Variants in B4GALNT4 observed in about 807,000 individuals in gnomAD.
B4GALNT4 encodes beta-1,4-N-acetyl-galactosaminyltransferase 4.
Under a neutral mutation model 110.0 loss-of-function variants are expected in B4GALNT4, and 77 were observed. The observed-to-expected ratio is 0.70, with a 90% CI of 0.58 to 0.85. The LOEUF (loss-of-function observed/expected upper bound fraction) is 0.85, where lower values mean the gene tolerates loss of function less well. Ranked by LOEUF, B4GALNT4 falls within the 40% of genes least tolerant of loss-of-function variation. B4GALNT4 has a pLI of 0.00. For synonymous variants in B4GALNT4, 785 were observed against 655.5 expected (o/e 1.20, Z -3.02); for missense variants, 1,575 against 1,506.0 (o/e 1.05, Z -0.76).
rs763780836 is a variant in B4GALNT4 at position 372,825 on chromosome 11, CA to C, written c.349-26del. On this transcript the variant is annotated intron_variant, in intron 3 of 19. Transcript: ENST00000329962. ...TGGGGCGGGGGGGCGGCGGGCCGTG[CA>C]GAAGGTAAGGCCCCCCCATCCCCAG... The C allele has an allele frequency of 2.5e-6, 4 of 1,580,680 alleles. No homozygotes were observed. In the East Asian group the frequency reaches 6.9e-5, roughly 27 times the overall value.
intron 6 of B4GALNT4, 30 bp from the exon 7 acceptor site, chr11:373,419 C>CTCGCCA: frequency 2.8e-6 from 3 of 1,080,026 alleles, no homozygotes; most frequent in East Asian, 5.3e-5. Context: ...CCCCCCCCCC[C>CTCGCCA]ACCACCACCC....
chr11:373,405 T>TGGG, intron 6 of B4GALNT4, 44 bp from the exon 7 acceptor site: 2 of 1,139,830 alleles, frequency 1.8e-6, no homozygotes, highest in Non-Finnish European at 2.4e-6. Flanking sequence ...AGGGAGAGAG[T>TGGG]GAACCCCCCC....
In B4GALNT4 at chr11:377,253, C is replaced by T. The variant is rs1846777239; in HGVS notation, c.2130C>T (p.Asn710=). 1 of 1,597,120 alleles carries T rather than the reference C, an allele frequency of 6.3e-7. No individual in the cohort carries two copies. Among genetic ancestry groups the T allele is most frequent in the Non-Finnish European group, 8.5e-7 (1 of 1,172,934 alleles). The change falls in exon 14 of 20, where the codon AAC becomes AAT. Residue 710 remains asparagine, a synonymous_variant. Transcript: ENST00000329962. ...ACCTGCGATGCAACGTTTCGGGGAA[C>T]CTGCAGCTGCCGGAGGCGGAGGCCG... ...WNDLRCNVSG[N]LQLPEAEAVD...
chr11:373,710 G>C (rs781331441), intron 7 of B4GALNT4, 40 bp from the exon 8 acceptor site: 1 of 1,602,128 alleles, frequency 6.2e-7, no homozygotes, highest in South Asian at 1.1e-5. Flanking sequence ...CTATTTGAGC[G>C]TCCTGTGCAT....
chr11:379,535 C>T lies in B4GALNT4; in HGVS notation c.2322C>T (p.Ser774=). Residue 774 remains serine, a synonymous_variant, in exon 15 of 20, where the codon TCC becomes TCT. Coordinates refer to ENST00000329962, the MANE Select transcript of B4GALNT4 (RefSeq NM_178537.5). Reference sequence around the variant, plus strand: ...GCGGGGGCGGCCGCCTGCGACTGTCCGAGTACGTCTTCCTGCGGCTGCCGG... The same window carrying T: ...GCGGGGGCGGCCGCCTGCGACTGTCTGAGTACGTCTTCCTGCGGCTGCCGG... ...QERGGGRLRL[S]EYVFLRLPGA... 6.3e-7 allele frequency: 1 copy of T among 1,587,494 alleles called. No homozygotes were observed. The highest frequency in any genetic ancestry group is 8.5e-7 in the Non-Finnish European group (1 of 1,170,326).
At chr11:372,072 G>A (rs1163950370) in intron 1 of B4GALNT4, 37 bp from the exon 2 acceptor site, 2 of 1,516,038 alleles carry the variant, frequency 1.3e-6, no homozygotes, top group Admixed American at 3.9e-5. Flanking sequence ...CTTGGAGAGA[G>A]CCTGGGCCCG....
In B4GALNT4 at chr11:376,466, A is replaced by T; in HGVS notation, c.1343A>T (p.Glu448Val). The part of the protein sequence containing the change: ...EDEGELLDSL[E>V]PTEAAPPRSG... The stretch of plus-strand genomic sequence containing the variant: ...GAGGGGGAGCTGCTCGACAGCCTGG[A>T]GCCCACCGAGGCGGCCCCGCCCAGG... Residue 448 changes from glutamate (E) to valine (V), a missense_variant, in exon 14 of 20, where the codon GAG becomes GTG. Transcript: ENST00000329962. 1 of 1,593,932 alleles carries T rather than the reference A, an allele frequency of 6.3e-7. No homozygotes were observed. The highest frequency in any genetic ancestry group is 8.5e-7 in the Non-Finnish European group (1 of 1,177,770).
At chr11:375,438 C>T (rs376769925) in intron 8 of B4GALNT4, 23 bp from the exon 9 acceptor site, 27 of 1,610,692 alleles carry the variant, frequency 1.7e-5, no homozygotes, top group Non-Finnish European at 2.1e-5. Flanking sequence ...CTGTCCCTGA[C>T]CCCCACCCTC....
chr11:377,153 A>C lies in B4GALNT4; in HGVS notation c.2030A>C (p.Glu677Ala), dbSNP rs1272609149. 6.5e-6 allele frequency: 10 copies of C among 1,547,272 alleles called. No individual in the cohort carries two copies. The highest frequency in any genetic ancestry group is 1.2e-5 in the South Asian group (1 of 83,564). The change falls in exon 14 of 20, where the codon GAG becomes GCG. Residue 677 changes from glutamate to alanine, a missense_variant. By Grantham distance (107) the Glu-to-Ala change is moderately radical. Coordinates refer to ENST00000329962, the MANE Select transcript of B4GALNT4 (RefSeq NM_178537.5). Reference sequence around the variant, plus strand: ...GGCCCGGCGCTCGGACGCTGGCGTGAGGACGCCATCGACTGGCAGCGCACG... The same window carrying C: ...GGCCCGGCGCTCGGACGCTGGCGTGCGGACGCCATCGACTGGCAGCGCACG... Reference protein sequence around the residue: ...AAGPALGRWREDAIDWQRTFS... With the variant: ...AAGPALGRWRADAIDWQRTFS...
At position 369,702 on chromosome 11, in the gene B4GALNT4, T is replaced by C. The variant is rs1252298664; in HGVS notation, c.-102T>C. On this transcript the variant is annotated 5_prime_UTR_variant, in exon 1 of 20. An upstream open reading frame in the 5' UTR loses its in-frame stop. Transcript: ENST00000329962. ...AAGGACCATGCGGGGCCGCGGGCGCTGAGCGCGGCGGGGCGGGCCGGGGAT... is the reference window on the plus strand; with the variant it reads ...AAGGACCATGCGGGGCCGCGGGCGCCGAGCGCGGCGGGGCGGGCCGGGGAT... The C allele has an allele frequency of 5.2e-6, 3 of 573,838 alleles. No homozygotes were observed. Among genetic ancestry groups the C allele is most frequent in the Non-Finnish European group, 6.5e-6 (3 of 460,532 alleles). The allele number at this position is 573,838 out of a possible 1,614,324, so 35.5% of individuals were successfully genotyped here.
chr11:372,980 C>T (rs753377155), intron 4 of B4GALNT4, 33 bp downstream of exon 4: 3 of 1,611,460 alleles, frequency 1.9e-6, no homozygotes, highest in Non-Finnish European at 2.5e-6. Flanking sequence ...GCCGGGTGGG[C>T]AGGGCACGCA....
Position 373,750 on chromosome 11 carries a change from G to T in B4GALNT4, c.705G>T (p.Arg235=), listed in dbSNP as rs765213504. Reference sequence around the variant, plus strand: ...CGACCCTTGCTCCTCGTGTCCCCAGGCTCATGGCCTCCCGGAGGTACTACT... The same window carrying T: ...CGACCCTTGCTCCTCGTGTCCCCAGTCTCATGGCCTCCCGGAGGTACTACT... The part of the protein sequence containing the change: ...KFSSQVSKPR[R]LMASRRYYFE... The change falls in exon 8 of 20, where the codon CGG becomes CGT. Residue 235 remains arginine (R), a splice_region_variant and synonymous_variant. Transcript: ENST00000329962. 18 of 1,612,138 alleles carry T rather than the reference G, an allele frequency of 1.1e-5. No individual in the cohort carries two copies. The highest frequency in any genetic ancestry group is 1.7e-5 in the Admixed American group (1 of 59,976).
At chr11:370,240 CTG>C (rs926142790) in intron 1 of B4GALNT4, among the ~76,000 whole-genome samples, 2 of 152,058 alleles carry the variant, frequency 1.3e-5, no homozygotes, top group African/African-American at 4.8e-5. Context: ...GTCCCTGACT[CTG>C]GGATCTGGCT....
chr11:376,013 C>A lies in B4GALNT4; in HGVS notation c.1095+57C>A, dbSNP rs932537262. 6 of 1,604,214 alleles carry A rather than the reference C, an allele frequency of 3.7e-6. No homozygotes were observed. In the Admixed American group the frequency reaches 6.7e-5, roughly 18 times the overall value. ...CGGGACTCCGCGGAGCCTTCTCCAG[C>A]CCCTTGGGAGGCCGCCCCGGGAGGT... On this transcript the variant is annotated intron_variant, in intron 11 of 19. Coordinates refer to ENST00000329962, the MANE Select transcript of B4GALNT4 (RefSeq NM_178537.5).
chr11:373,120 C>A lies in B4GALNT4; in HGVS notation c.535+4C>A. 6.2e-7 allele frequency: 1 copy of A among 1,612,506 alleles called. No individual in the cohort carries two copies. Among genetic ancestry groups the A allele is most frequent in the Non-Finnish European group, 8.5e-7 (1 of 1,179,868 alleles). On this transcript the variant is annotated splice_donor_region_variant and intron_variant, in intron 5 of 19. Transcript: ENST00000329962. ...TTCATCCACCCGGCGAGGGACGGTA[C>A]GGGGGTGAGGGTGCCCCGGGGGAGG...
In B4GALNT4 at chr11:373,416, C is replaced by G. The variant is rs754289984; in HGVS notation, c.637-33C>G. On this transcript the variant is annotated intron_variant, in intron 6 of 19. Transcript: ENST00000329962. ...CCCCAGGGAGAGAGTGAACCCCCCC[C>G]CCCACCACCACCCCTGCTCTATCAC... The G allele has an allele frequency of 9.3e-4, 1,030 of 1,102,342 alleles. 55 individuals carry two copies. In the South Asian group the frequency reaches 0.01, roughly 11 times the overall value. 68.3% of individuals were successfully genotyped at this position (1,102,342 alleles called of 1,614,324 possible).
At chr11:373,966 G>GCT in intron 8 of B4GALNT4, 138 bp downstream of exon 8, 5 of 819,376 alleles carry the variant, frequency 6.1e-6, no homozygotes, top group Non-Finnish European at 9.7e-6. Context: ...AGGAGGGTCT[G>GCT]CTCTGCCCTC....
In B4GALNT4 at chr11:376,132, A is replaced by G. The variant is rs770392290; in HGVS notation, c.1154A>G (p.Asp385Gly). 9 of 1,608,858 alleles carry G rather than the reference A, an allele frequency of 5.6e-6. No individual in the cohort carries two copies. The East Asian group carries it at 2.0e-4, about 36-fold the overall frequency. Residue 385 changes from aspartate to glycine, a missense_variant, in exon 12 of 20, where the codon GAC (aspartate) becomes GGC (glycine). Asp to Gly is a moderately conservative substitution (Grantham distance 94, BLOSUM62 -1). Transcript: ENST00000329962. ...ACTCGCCTCACCCACATGGAGACGG[A>G]CAACAAGTGCTTCTACCGCGAGTCT... ...DYTRLTHMETDNKCFYRESPL... is the reference protein window; with the variant it reads ...DYTRLTHMETGNKCFYRESPL...
chr11:380,105 C>A, intron 16 of B4GALNT4, 25 bp from the exon 17 acceptor site: 7 of 1,594,624 alleles, frequency 4.4e-6, no homozygotes, highest in Non-Finnish European at 6.0e-6. Flanking sequence ...CCCCAGAGAT[C>A]GTGCCTGTGA....
Sources: allele counts gnomAD v4.1 joint callset (sites outside exome capture counted in the v4.1 genomes callset), GRCh38; gene constraint gnomAD v4.1.1; transcripts MANE v1.5; gene names NCBI Gene and HGNC (gene_info 2026-07-23, HGNC 2026-07-21).